The following HLCS variants were observed in gnomAD, a reference collection of about 807,000 sequenced individuals.
HLCS encodes holocarboxylase synthetase.
A neutral mutation model predicts 75.0 loss-of-function variants in HLCS; 53 were observed. The ratio of observed to expected loss-of-function variants is 0.71; its 90% CI spans 0.57 to 0.89. HLCS has a LOEUF of 0.89. Ranked by LOEUF, HLCS falls within the 40% of genes least tolerant of loss-of-function variation. The pLI is 0.00. For missense variants in HLCS, 966 were observed against 1,074.0 expected (o/e 0.90, Z 1.41); for synonymous variants, 431 against 428.6 (o/e 1.01, Z -0.07).
intron 6 of HLCS, among the ~76,000 whole-genome samples, chr21:36,864,805 T>C (rs1000328043): frequency 2.0e-5 from 3 of 152,202 alleles, no homozygotes; most frequent in African/African-American, 7.2e-5. Context: ...ACATCAATTC[T>C]ATTTCTACTT....
Position 36,787,137 on chromosome 21 carries a change from C to T in HLCS, c.1893-19852G>A, listed in dbSNP as rs936169115. ...AACACGTCGCAAGAGCATGGACTTC[C>T]TAGGTTTTCACCAGGCCACGCGTGA... On this transcript the variant is annotated intron_variant, in intron 6 of 10. Transcript: ENST00000674895. Among the ~76,000 whole-genome samples, 10 of 152,122 alleles carry T rather than the reference C, an allele frequency of 6.6e-5. No individual in the cohort carries two copies. The East Asian group carries it at 1.9e-3, about 29-fold the overall frequency.
At chr21:36,818,392 A>T (rs1200303025) in intron 6 of HLCS, among the ~76,000 whole-genome samples, 1 of 152,250 alleles carries the variant, frequency 6.6e-6, no homozygotes, top group Non-Finnish European at 1.5e-5. Context: ...TTAGATTCTG[A>T]GTGTCTAAAA....
intron 1 of HLCS, among the ~76,000 whole-genome samples, chr21:36,983,328 A>G (rs1427599461): frequency 1.3e-5 from 2 of 151,796 alleles, no homozygotes; most frequent in Non-Finnish European, 2.9e-5. Flanking sequence ...CTCCTGCCTC[A>G]GCCTCCGAAG....
chr21:36,920,884 C>T (rs754173416), intron 5 of HLCS, among the ~76,000 whole-genome samples: 4 of 152,140 alleles, frequency 2.6e-5, no homozygotes, highest in Non-Finnish European at 2.9e-5. Context: ...GTAATCTAGA[C>T]AATCCTAGGC....
At chr21:36,853,203 C>T (rs888602351) in intron 6 of HLCS, among the ~76,000 whole-genome samples, 3 of 152,202 alleles carry the variant, frequency 2.0e-5, no homozygotes, top group Non-Finnish European at 4.4e-5. Flanking sequence ...CACAGAGCCT[C>T]ACTCTCCCAT....
At chr21:36,958,368 GTTAATAAAAGC>G (rs1350167078) in intron 2 of HLCS, among the ~76,000 whole-genome samples, 1 of 152,188 alleles carries the variant, frequency 6.6e-6, no homozygotes, top group African/African-American at 2.4e-5. Context: ...CTGGACCTAG[GTTAATAAAAGC>G]TTTATTTTGG....
At chr21:36,852,403 G>A (rs2146145896) in intron 6 of HLCS, among the ~76,000 whole-genome samples, 1 of 152,290 alleles carries the variant, frequency 6.6e-6, no homozygotes, top group African/African-American at 2.4e-5. Flanking sequence ...TCTCCTGGCA[G>A]AGAGGACCAT....
At chr21:36,977,249 T>C (rs1332809556) in intron 1 of HLCS, among the ~76,000 whole-genome samples, 1 of 152,108 alleles carries the variant, frequency 6.6e-6, no homozygotes, top group Non-Finnish European at 1.5e-5. Flanking sequence ...CAGGTCCTGG[T>C]TGGGCGAAGG....
chr21:36,877,676 A>G (rs1258876636), intron 6 of HLCS, among the ~76,000 whole-genome samples: 1 of 152,146 alleles, frequency 6.6e-6, no homozygotes, highest in Non-Finnish European at 1.5e-5. Context: ...ATATTTGTCC[A>G]GAGAGCATTC....
In HLCS at chr21:36,765,158, C is replaced by CA. The variant is rs767533946; in HGVS notation, c.1974dup (p.Val659CysfsTer65). 2.2e-4 allele frequency: 350 copies of CA among 1,614,112 alleles called. No homozygotes were observed. The highest frequency in any genetic ancestry group is 2.9e-4 in the Non-Finnish European group (337 of 1,180,046). ...GCACATCCCACAGGGCTCAGCCACA[C>CA]ATTCCCTCCCCGTCCTGGAACACAG... On this transcript the variant is annotated frameshift_variant, in exon 8 of 11. Coordinates refer to ENST00000674895, the MANE Select transcript of HLCS (RefSeq NM_001352514.2). LOFTEE classifies it high-confidence loss of function.
chr21:36,900,747 T>C (rs1052845877), intron 5 of HLCS, among the ~76,000 whole-genome samples: 6 of 152,028 alleles, frequency 3.9e-5, no homozygotes, highest in South Asian at 4.1e-4. Context: ...TGAGAAAGGA[T>C]AGGATTCACA....
chr21:36,937,352 A>C lies in HLCS; in HGVS notation c.534T>G (p.Asp178Glu). 6.2e-7 allele frequency: 1 copy of C among 1,613,986 alleles called. No individual in the cohort carries two copies. Reference protein sequence around the residue: ...LQDSTLKEVKDQVSNKQAQIL... With the variant: ...LQDSTLKEVKEQVSNKQAQIL... Reference sequence around the variant, plus strand: ...TCTGGGCTTGCTTGTTTGAGACCTGATCCTTAACTTCCTTCAGAGTGGAGT... The same window carrying C: ...TCTGGGCTTGCTTGTTTGAGACCTGCTCCTTAACTTCCTTCAGAGTGGAGT... The change falls in exon 4 of 11, where the codon GAT (aspartate) becomes GAG (glutamate). Residue 178 changes from aspartate to glutamate, a missense_variant. Transcript: ENST00000674895.
chr21:36,980,484 G>A (rs1483586497), intron 1 of HLCS: 3 of 152,154 alleles, frequency 2.0e-5, no homozygotes, highest in African/African-American at 7.2e-5. Flanking sequence ...ACTCCCCCTG[G>A]GGAATAAAAA....
intron 5 of HLCS, among the ~76,000 whole-genome samples, chr21:36,914,771 A>G (rs1025526056): frequency 2.6e-5 from 4 of 152,238 alleles, no homozygotes; most frequent in African/African-American, 9.6e-5. Context: ...CACTGCCTCC[A>G]CAATGAGAGA....
chr21:36,977,427 C>G (rs758796764), intron 1 of HLCS, among the ~76,000 whole-genome samples: 1 of 152,182 alleles, frequency 6.6e-6, no homozygotes, highest in South Asian at 2.1e-4. Context: ...AATGGGGGAG[C>G]CCCACTCCTA....
chr21:36,930,857 C>G lies in HLCS; in HGVS notation c.1438-424G>C, dbSNP rs549284525. On this transcript the variant is annotated intron_variant, in intron 4 of 10. Transcript: ENST00000674895. ...AAAGAACGATTCCAAAGAGCCTACTCAAATTTTGGTTGTCAGGCTGAGAGG... is the reference window on the plus strand; with the variant it reads ...AAAGAACGATTCCAAAGAGCCTACTGAAATTTTGGTTGTCAGGCTGAGAGG... Among the ~76,000 whole-genome samples the G allele has an allele frequency of 7.9e-4, 120 of 152,324 alleles. No homozygotes were observed. In the South Asian group the frequency reaches 0.013, roughly 16 times the overall value.
rs2065029914 is a variant in HLCS, at chr21:36,896,852, C to T, written c.1892+8G>A. 2.5e-6 allele frequency: 4 copies of T among 1,613,944 alleles called. No individual in the cohort carries two copies. The highest frequency in any genetic ancestry group is 1.3e-5 in the African/African-American group (1 of 75,030). Reference sequence around the variant, plus strand: ...CTCTGAGCAGATGCAGACCTGCTCACACCTTACCCATCCAGGAGACGCATC... The same window carrying T: ...CTCTGAGCAGATGCAGACCTGCTCATACCTTACCCATCCAGGAGACGCATC... On this transcript the variant is annotated splice_region_variant and intron_variant, in intron 6 of 10. Coordinates refer to ENST00000674895, the MANE Select transcript of HLCS (RefSeq NM_001352514.2).
chr21:36,941,064 T>A (rs1023638275), intron 2 of HLCS, among the ~76,000 whole-genome samples: 16 of 152,158 alleles, frequency 1.1e-4, no homozygotes, highest in African/African-American at 3.6e-4. Flanking sequence ...ACACAAAAAT[T>A]AGCCAGGCGT....
chr21:36,860,811 C>T (rs572899177), intron 6 of HLCS, among the ~76,000 whole-genome samples: 11 of 152,184 alleles, frequency 7.2e-5, no homozygotes, highest in Admixed American at 4.6e-4. Context: ...TTAAAATAAA[C>T]GCCTCAGCGG....
Sources: gnomAD v4.1 joint callset for allele counts (sites outside exome capture counted in the v4.1 genomes callset) on GRCh38, gnomAD v4.1.1 for gene constraint, MANE v1.5 for transcripts, NCBI Gene and HGNC (gene_info 2026-07-23, HGNC 2026-07-21) for gene names.